TSBP1: variants seen among roughly 807,000 people sequenced by gnomAD.
The protein encoded by TSBP1 is testis expressed basic protein 1.
A neutral mutation model predicts 68.8 loss-of-function variants in TSBP1; 56 were observed. The observed-to-expected ratio is 0.81, with a 90% confidence interval of 0.66 to 1.02. TSBP1 has a LOEUF of 1.02. Among genes scored for constraint, TSBP1 ranks in the 50% least tolerant of loss-of-function variants. TSBP1 has a pLI of 0.00. For synonymous variants in TSBP1, 171 were observed against 208.7 expected, an observed-to-expected ratio of 0.82 and a Z score of 1.56; for missense variants, 502 against 641.2, an observed-to-expected ratio of 0.78 and a Z score of 2.34.
At chr6:32,347,974 A>G (rs964816607) in intron 9 of TSBP1, among the ~76,000 whole-genome samples, 4 of 152,192 alleles carry the variant, frequency 2.6e-5, no homozygotes, top group African/African-American at 9.7e-5. Flanking sequence ...GCTCTATCAT[A>G]TTATCTTAAT....
rs557057022 is a variant in TSBP1, at chr6:32,336,366, C to T, written c.430+249G>A. Among the ~76,000 whole-genome samples, 70 of 152,204 alleles carry T rather than the reference C, an allele frequency of 4.6e-4. No individual in the cohort carries two copies. Among genetic ancestry groups the T allele is most frequent in the Middle Eastern group, 6.8e-3 (2 of 294 alleles). ...TAGCCTGTGAGATTTCTTAACACTT[C>T]GTGCATGGCCTCTTTGGAAACTATG... On this transcript the variant is annotated intron_variant, in intron 12 of 22. Transcript: ENST00000612031. The surrounding 1 kb of genome is among the most constrained non-coding windows in gnomAD (Gnocchi z 5.2).
intron 3 of TSBP1, among the ~76,000 whole-genome samples, chr6:32,368,415 C>T (rs1468888885): frequency 1.3e-5 from 2 of 152,070 alleles, no homozygotes; most frequent in African/African-American, 2.4e-5. Context: ...TTTTTTGGTC[C>T]GGCCACTTCA....
rs936817014 is a variant in TSBP1 at position 32,357,911 on chromosome 6, G to A, written c.218-2242C>T. Among the ~76,000 whole-genome samples the A allele has an allele frequency of 6.6e-6, 1 of 152,160 alleles. No individual in the cohort carries two copies. The highest frequency in any genetic ancestry group is 1.5e-5 in the Non-Finnish European group (1 of 68,022). On this transcript the variant is annotated intron_variant, in intron 6 of 22. Transcript: ENST00000612031. The surrounding 1 kb of genome is among the most constrained non-coding windows in gnomAD (Gnocchi z 4.7). ...TATAGGTTGGCTCACTGCACAAAGG[G>A]TTAAGGGAACTGAAATCCCCAGCAG... is the stretch of plus-strand genomic sequence containing the variant.
chr6:32,320,866 C>G (rs1284167707), intron 18 of TSBP1, among the ~76,000 whole-genome samples: 1 of 152,050 alleles, frequency 6.6e-6, no homozygotes, highest in Non-Finnish European at 1.5e-5. Flanking sequence ...GCCCCAGTGT[C>G]TATTTTTCCC....
At chr6:32,339,310 CT>C in intron 10 of TSBP1, 1 of 535,794 alleles carries the variant, frequency 1.9e-6, no homozygotes, top group Non-Finnish European at 3.3e-6. Context: ...AGAATTTCCA[CT>C]TTGTTAAATG....
At chr6:32,300,808 A>G (rs1765209624) in intron 20 of TSBP1, 108 bp from the exon 24 acceptor site, 1 of 891,196 alleles carries the variant, frequency 1.1e-6, no homozygotes, top group South Asian at 1.4e-5. Flanking sequence ...ACTAAATTTC[A>G]TTTATTTAAA....
intron 15 of TSBP1, among the ~76,000 whole-genome samples, chr6:32,331,784 G>T (rs1034253618): frequency 2.0e-5 from 3 of 152,128 alleles, no homozygotes; most frequent in Non-Finnish European, 4.4e-5. Context: ...CATTAGGCTG[G>T]TTCCCCACTT....
chr6:32,323,029 G>T, intron 18 of TSBP1, 88 bp downstream of exon 19: 1 of 991,674 alleles, frequency 1.0e-6, no homozygotes, highest in Non-Finnish European at 1.5e-6. Flanking sequence ...GGAAGCAAGA[G>T]AAGAATGGGA....
intron 21 of TSBP1, 63 bp from the exon 25 acceptor site, chr6:32,299,999 C>T (rs1765119245): frequency 7.9e-7 from 1 of 1,260,706 alleles, no homozygotes; most frequent in Non-Finnish European, 1.2e-6. Context: ...AACCCACCTT[C>T]CAATAGTATC....
chr6:32,354,638 G>GAATA (rs1451947575), intron 8 of TSBP1, among the ~76,000 whole-genome samples: 1 of 152,010 alleles, frequency 6.6e-6, no homozygotes, highest in African/African-American at 2.4e-5. Flanking sequence ...CATTATTTGT[G>GAATA]ATAGCAGAAA....
chr6:32,365,053 C>T lies in TSBP1; in HGVS notation c.217+1114G>A, dbSNP rs1297379382. On this transcript the variant is annotated intron_variant, in intron 6 of 22. Transcript: ENST00000612031. This position sits in a 1 kb window ranked among gnomAD's most constrained non-coding sequence, Gnocchi z 4.3. ...GGACTGCAGGTGTGCACCGCCACAT[C>T]CAACTGATTTTTTTTTTTTTTAGAG... Among the ~76,000 whole-genome samples, 1 of 118,558 alleles carries T rather than the reference C, an allele frequency of 8.4e-6. No homozygotes were observed. The highest frequency in any genetic ancestry group is 1.8e-5 in the Non-Finnish European group (1 of 56,432). The allele number at this position is 118,558 out of a possible 152,430, so 77.8% of individuals were successfully genotyped here. A position where few individuals can be genotyped will look rare whatever the true frequency, so the allele number is the denominator to read the frequency against.
intron 8 of TSBP1, chr6:32,350,259 A>G (rs761187): frequency 0.39 from 172,294 of 446,436 alleles, 35,898 homozygotes; most frequent in Admixed American, 0.49. Context: ...CCCTATGGAG[A>G]TGAAGAATAG....
At chr6:32,360,235 T>C (rs2127647801) in intron 6 of TSBP1, among the ~76,000 whole-genome samples, 1 of 152,292 alleles carries the variant, frequency 6.6e-6, no homozygotes, top group African/African-American at 2.4e-5. Context: ...GAGTTCAACT[T>C]TTTAAGGTTC....
chr6:32,320,265 T>G (rs1767472971), intron 18 of TSBP1: 1 of 455,816 alleles, frequency 2.2e-6, no homozygotes, highest in Non-Finnish European at 4.4e-6. Context: ...TTATGCACAT[T>G]GCATGGGTAG....
intron 6 of TSBP1, among the ~76,000 whole-genome samples, chr6:32,359,344 G>A (rs1424124959): frequency 2.6e-5 from 4 of 152,034 alleles, no homozygotes; most frequent in Non-Finnish European, 5.9e-5. Flanking sequence ...CATTCTAACT[G>A]GTGTGAGATG....
At chr6:32,309,309 A>G (rs1766130089) in intron 19 of TSBP1, among the ~76,000 whole-genome samples, 1 of 151,270 alleles carries the variant, frequency 6.6e-6, no homozygotes, top group Non-Finnish European at 1.5e-5. Context: ...TATAGTCAAC[A>G]TTTTAGATTT....
In TSBP1 at chr6:32,325,143, A is replaced by T; in HGVS notation, c.515-1529T>A. The T allele has an allele frequency of 2.1e-6, 1 of 485,576 alleles. No individual in the cohort carries two copies. The allele number at this position is 485,576 out of a possible 1,614,324, so 30.1% of individuals were successfully genotyped here. On this transcript the variant is annotated intron_variant, in intron 16 of 22. Transcript: ENST00000612031. This position sits in a 1 kb window ranked among gnomAD's most constrained non-coding sequence, Gnocchi z 4.4. ...TCAGTGAATGTTCTAGAAACTTATT[A>T]ATAATTTATTTATGCCTTTCTGCCC...
intron 9 of TSBP1, among the ~76,000 whole-genome samples, chr6:32,346,694 T>C (rs1290385412): frequency 1.3e-5 from 2 of 151,984 alleles, no homozygotes; most frequent in African/African-American, 4.8e-5. Context: ...AAAAATTAGC[T>C]GGGTATTGTG....
Position 32,365,921 on chromosome 6 carries a change from C to T in TSBP1, c.217+246G>A. ...CTCCTATTCTACTATTTTGCTGATG[C>T]CTTTCTCTCATATTACTTTTGTTAA... On this transcript the variant is annotated intron_variant, in intron 6 of 22. Transcript: ENST00000612031. This position sits in a 1 kb window ranked among gnomAD's most constrained non-coding sequence, Gnocchi z 4.3. 2 of 605,682 alleles carry T rather than the reference C, an allele frequency of 3.3e-6. No individual in the cohort carries two copies. Among genetic ancestry groups the T allele is most frequent in the South Asian group, 1.5e-5 (1 of 65,884 alleles). The allele number at this position is 605,682 out of a possible 1,614,324, so 37.5% of individuals were successfully genotyped here.
Sources: allele counts gnomAD v4.1 joint callset (sites outside exome capture counted in the v4.1 genomes callset), GRCh38; gene constraint gnomAD v4.1.1; non-coding constraint Gnocchi (gnomAD v3.1); transcripts MANE v1.5; gene names NCBI Gene and HGNC (gene_info 2026-07-23, HGNC 2026-07-21).